Variants in TOP1 observed in about 807,000 individuals in gnomAD.
TOP1 encodes DNA topoisomerase 1.
In TOP1, 10 loss-of-function variants were observed where a neutral mutation model predicts 111.1. The observed-to-expected ratio is 0.09, with a 90% CI of 0.06 to 0.15. TOP1 has a LOEUF of 0.15. TOP1 is among the 10% of genes least tolerant of loss of function. The pLI, the probability that TOP1 is intolerant of heterozygous loss-of-function variation, is 1.00. For synonymous variants in TOP1, 271 were observed against 302.9 expected, an observed-to-expected ratio of 0.89 and a Z score of 1.10; for missense variants, 474 against 926.7, an observed-to-expected ratio of 0.51 and a Z score of 6.34.
intron 6 of TOP1, 72 bp from the exon 7 acceptor site, chr20:41,081,093 T>C (rs1269070118): frequency 6.9e-7 from 1 of 1,455,574 alleles, no homozygotes; most frequent in Non-Finnish European, 9.3e-7. Flanking sequence ...TCCAAGAGTT[T>C]GTAGGTCTCC....
chr20:41,064,690 C>CTTG (rs1568682154), intron 3 of TOP1, among the ~76,000 whole-genome samples: 3 of 152,150 alleles, frequency 2.0e-5, no homozygotes, highest in South Asian at 2.1e-4. Context: ...TCAGACTTGA[C>CTTG]TTGTTCCAGG....
In TOP1 at chr20:41,097,074, T is replaced by C. The variant is rs142904278; in HGVS notation, c.731-146T>C. 9.0e-5 allele frequency: 67 copies of C among 747,652 alleles called. 1 individual carries two copies. The East Asian group carries it at 1.7e-3, about 19-fold the overall frequency. 46.3% of individuals were successfully genotyped at this position (747,652 alleles called of 1,614,324 possible). A position where few individuals can be genotyped will look rare whatever the true frequency, so the allele number is the denominator to read the frequency against. Reference sequence around the variant, plus strand: ...AGTAGATATAAATCAGTATGTTGTCTTTGTTGTTGTTGCTACTATGTGTCA... The same window carrying C: ...AGTAGATATAAATCAGTATGTTGTCCTTGTTGTTGTTGCTACTATGTGTCA... On this transcript the variant is annotated intron_variant, in intron 9 of 20. Coordinates refer to ENST00000361337, the MANE Select transcript of TOP1 (RefSeq NM_003286.4). The surrounding 1 kb of genome is among the most constrained non-coding windows in gnomAD (Gnocchi z 4.2).
At chr20:41,104,037 T>C (rs1203510000) in intron 13 of TOP1, among the ~76,000 whole-genome samples, 1 of 152,152 alleles carries the variant, frequency 6.6e-6, no homozygotes, top group Admixed American at 6.5e-5. Context: ...TCAAGACAAC[T>C]CCACTGTTCA....
intron 2 of TOP1, among the ~76,000 whole-genome samples, chr20:41,051,656 G>A (rs1033867558): frequency 2.0e-5 from 3 of 152,052 alleles, no homozygotes; most frequent in Non-Finnish European, 2.9e-5. Context: ...TTAGGCTTCC[G>A]GGTACCAGGG....
chr20:41,046,109 T>C lies in TOP1; in HGVS notation c.59-15285T>C, dbSNP rs2033330622. On this transcript the variant is annotated intron_variant, in intron 2 of 20. Coordinates refer to ENST00000361337, the MANE Select transcript of TOP1 (RefSeq NM_003286.4). This position sits in a 1 kb window ranked among gnomAD's most constrained non-coding sequence, Gnocchi z 4.3. ...CAAGTTGTGATCAGTTTTCGTGGGATGCAAGGAGAAAATGAATAGGAATGA... is the reference window on the plus strand; with the variant it reads ...CAAGTTGTGATCAGTTTTCGTGGGACGCAAGGAGAAAATGAATAGGAATGA... 6.6e-6 allele frequency among the ~76,000 whole-genome samples: 1 copy of C among 152,226 alleles called. No homozygotes were observed. Among genetic ancestry groups the C allele is most frequent in the Admixed American group, 6.5e-5 (1 of 15,282 alleles).
intron 2 of TOP1, among the ~76,000 whole-genome samples, chr20:41,031,005 A>G (rs1015640974): frequency 6.6e-6 from 1 of 152,210 alleles, no homozygotes; most frequent in African/African-American, 2.4e-5. Flanking sequence ...TAAGGTAACT[A>G]CTGGGGCATA....
At chr20:41,051,759 A>C (rs1027257017) in intron 2 of TOP1, among the ~76,000 whole-genome samples, 1 of 151,494 alleles carries the variant, frequency 6.6e-6, no homozygotes, top group Non-Finnish European at 1.5e-5. Flanking sequence ...AGCATTTCTC[A>C]GTTGTTGGCT....
chr20:41,073,325 T>C, intron 3 of TOP1: 1 of 983,710 alleles, frequency 1.0e-6, no homozygotes, highest in Non-Finnish European at 1.2e-6. Flanking sequence ...GGAGTGTTCC[T>C]GAATTCAGAT....
At chr20:41,035,573 G>C (rs2033174923) in intron 2 of TOP1, among the ~76,000 whole-genome samples, 1 of 152,172 alleles carries the variant, frequency 6.6e-6, no homozygotes, top group South Asian at 2.1e-4. Context: ...TGGGTATTCT[G>C]ACGTTTTCCT....
intron 3 of TOP1, among the ~76,000 whole-genome samples, 169 bp from the exon 4 acceptor site, chr20:41,076,002 A>G (rs1045463396): frequency 7.9e-5 from 12 of 152,348 alleles, no homozygotes; most frequent in African/African-American, 2.9e-4. Flanking sequence ...AAAAACATCA[A>G]ACAAGATAAA....
chr20:41,072,512 GT>G (rs1278124090), intron 3 of TOP1: 1 of 985,324 alleles, frequency 1.0e-6, no homozygotes, highest in Non-Finnish European at 1.2e-6. Context: ...GCCAAATCCT[GT>G]TTCTGACTTT....
chr20:41,089,987 T>A (rs545424968), intron 8 of TOP1, among the ~76,000 whole-genome samples: 1 of 152,214 alleles, frequency 6.6e-6, no homozygotes, highest in South Asian at 2.1e-4. Context: ...TTTTTTTTTG[T>A]TTTTGAGATG....
Position 41,118,556 on chromosome 20 carries a change from GGTGTACATT to G in TOP1, c.1950+261_1950+269del, listed in dbSNP as rs2034370484. 6.6e-6 allele frequency among the ~76,000 whole-genome samples: 1 copy of G among 152,148 alleles called. No homozygotes were observed. The highest frequency in any genetic ancestry group is 2.4e-5 in the African/African-American group (1 of 41,434). ...CTCCCTATTTTGAAAAACTAACTTT[GGTGTACATT>G]CTAATTGCTAATTACTGTCCTTATT... On this transcript the variant is annotated intron_variant, in intron 18 of 20. Transcript: ENST00000361337. The surrounding 1 kb of genome is among the most constrained non-coding windows in gnomAD (Gnocchi z 4.6).
chr20:41,029,252 G>T lies in TOP1; in HGVS notation c.33+152G>T. The T allele has an allele frequency of 2.5e-6, 2 of 796,436 alleles. No individual in the cohort carries two copies. Among genetic ancestry groups the T allele is most frequent in the Non-Finnish European group, 3.6e-6 (2 of 558,502 alleles). 49.3% of individuals were successfully genotyped at this position (796,436 alleles called of 1,614,324 possible). On this transcript the variant is annotated intron_variant, in intron 1 of 20. Coordinates refer to ENST00000361337, the MANE Select transcript of TOP1 (RefSeq NM_003286.4). This position sits in a 1 kb window ranked among gnomAD's most constrained non-coding sequence, Gnocchi z 6.1. ...CCTGCCGGAGTAGATCGGCTCGCTA[G>T]GCCGCGAGCGAGGGCCGCGAAGTTA...
intron 13 of TOP1, among the ~76,000 whole-genome samples, chr20:41,108,605 T>C (rs2145959937): frequency 6.6e-6 from 1 of 152,328 alleles, no homozygotes; most frequent in African/African-American, 2.4e-5. Flanking sequence ...TTTATGTTCA[T>C]CCCAGTTTGT....
intron 2 of TOP1, among the ~76,000 whole-genome samples, chr20:41,050,217 C>G (rs1014308238): frequency 1.3e-5 from 2 of 152,164 alleles, no homozygotes; most frequent in African/African-American, 4.8e-5. Flanking sequence ...GGGCTTTCAC[C>G]GTGTTGGTCA....
At chr20:41,074,082 G>T (rs374615616) in intron 3 of TOP1, among the ~76,000 whole-genome samples, 1 of 152,066 alleles carries the variant, frequency 6.6e-6, no homozygotes, top group African/African-American at 2.4e-5. Context: ...AACTCCTGAA[G>T]AATCAATTAT....
intron 8 of TOP1, among the ~76,000 whole-genome samples, chr20:41,090,221 C>T (rs893508865): frequency 3.9e-5 from 6 of 152,100 alleles, no homozygotes; most frequent in Non-Finnish European, 5.9e-5. Flanking sequence ...GTGATCCCTC[C>T]GCCCGCTTTG....
In TOP1 at chr20:41,044,945, G is replaced by A. The variant is rs150522199; in HGVS notation, c.58+15490G>A. Among the ~76,000 whole-genome samples the A allele has an allele frequency of 2.1e-3, 327 of 152,170 alleles. 1 individual carries two copies. The highest frequency in any genetic ancestry group is 6.5e-3 in the African/African-American group (268 of 41,518). ...TAGGATTACAGGCGTGGGCCACCAC[G>A]CTCAGCCAGTTTTTTTGTATTTAGT... On this transcript the variant is annotated intron_variant, in intron 2 of 20. Coordinates refer to ENST00000361337, the MANE Select transcript of TOP1 (RefSeq NM_003286.4).
Sources: gnomAD v4.1 joint callset for allele counts (sites outside exome capture counted in the v4.1 genomes callset) on GRCh38, gnomAD v4.1.1 for gene constraint, Gnocchi (gnomAD v3.1) non-coding constraint, MANE v1.5 for transcripts, NCBI Gene and HGNC (gene_info 2026-07-23, HGNC 2026-07-21) for gene names.